Variants in TANGO6 observed in about 807,000 individuals in gnomAD.
TANGO6 encodes transport and golgi organization 6 homolog, also known as transport and Golgi organization protein 6 homolog.
TANGO6 carries 90 observed loss-of-function variants against 114.2 expected under a neutral mutation model. The observed-to-expected ratio is 0.79, with a 90% confidence interval of 0.66 to 0.94. The LOEUF is 0.94. Ranked by LOEUF, TANGO6 falls within the 40% of genes least tolerant of loss-of-function variation. The pLI, the probability that TANGO6 is intolerant of heterozygous loss-of-function variation, is 0.00. For synonymous variants in TANGO6, 477 were observed against 509.8 expected (o/e 0.94, Z 0.87); for missense variants, 1,274 against 1,315.3 (o/e 0.97, Z 0.49).
At chr16:69,026,445 A>G (rs1959503940) in intron 16 of TANGO6, 1 of 182,892 alleles carries the variant, frequency 5.5e-6, no homozygotes, top group Admixed American at 5.2e-5. Flanking sequence ...TAACATCCAG[A>G]AGGAAGGGCT....
chr16:69,074,174 G>A (rs577332009), intron 17 of TANGO6, among the ~76,000 whole-genome samples: 9 of 152,206 alleles, frequency 5.9e-5, no homozygotes, highest in South Asian at 4.1e-4. Context: ...CAGGCTGACC[G>A]TATAATATGT....
Position 68,963,831 on chromosome 16 carries a change from A to G in TANGO6, c.2702-10197A>G, listed in dbSNP as rs549196306. 1.8e-4 allele frequency among the ~76,000 whole-genome samples: 27 copies of G among 152,318 alleles called. 1 individual carries two copies. The East Asian group carries it at 2.7e-3, about 15-fold the overall frequency. ...AAGATCCAGCAACTCTATCATGCAC[A>G]TATCATAATTTTGCTCTAGTTTTGT... On this transcript the variant is annotated intron_variant, in intron 14 of 17. Transcript: ENST00000261778.
intron 17 of TANGO6, among the ~76,000 whole-genome samples, chr16:69,062,096 G>A (rs1960127044): frequency 6.6e-6 from 1 of 152,164 alleles, no homozygotes; most frequent in Non-Finnish European, 1.5e-5. Flanking sequence ...ACATACATAT[G>A]TTTAAGAACA....
chr16:69,019,389 G>A (rs1959362956), intron 15 of TANGO6, among the ~76,000 whole-genome samples: 1 of 152,188 alleles, frequency 6.6e-6, no homozygotes, highest in Non-Finnish European at 1.5e-5. Context: ...ACAGGACAGA[G>A]GTGAGTCTTA....
rs1302207526 is a variant in TANGO6, at chr16:69,083,676, A to T, written c.*15A>T. 4 of 1,551,032 alleles carry T rather than the reference A, an allele frequency of 2.6e-6. No homozygotes were observed. The highest frequency in any genetic ancestry group is 3.5e-6 in the Non-Finnish European group (4 of 1,146,370). On this transcript the variant is annotated 3_prime_UTR_variant, in exon 18 of 18. Coordinates refer to ENST00000261778, the MANE Select transcript of TANGO6 (RefSeq NM_024562.2). Reference sequence around the variant, plus strand: ...TCCTGCCGTAGACCTGGCTCCAAGGACGTGGAGGAGGCAGGCAGGGCCAGG... The same window carrying T: ...TCCTGCCGTAGACCTGGCTCCAAGGTCGTGGAGGAGGCAGGCAGGGCCAGG...
In TANGO6 at chr16:68,875,206, G is replaced by T; in HGVS notation, c.1047G>T (p.Lys349Asn). ...AGGTGACGGCTGCTGACTGGAAGAA[G>T]TGTGACCTGATCGCAAAGATTTTGG... ...DAEVTAADWKKCDLIAKILAS... is the reference protein window; with the variant it reads ...DAEVTAADWKNCDLIAKILAS... The change falls in exon 5 of 18, where the codon AAG (lysine) becomes AAT (asparagine). Residue 349 changes from lysine (K) to asparagine (N), a missense_variant. Transcript: ENST00000261778. The T allele has an allele frequency of 1.2e-6, 2 of 1,613,806 alleles. No homozygotes were observed. The highest frequency in any genetic ancestry group is 2.2e-5 in the East Asian group (1 of 44,882).
At chr16:68,992,863 G>A (rs1045546699) in intron 15 of TANGO6, among the ~76,000 whole-genome samples, 1 of 152,172 alleles carries the variant, frequency 6.6e-6, no homozygotes, top group Non-Finnish European at 1.5e-5. Flanking sequence ...GAGGTCAGGA[G>A]TTCAAGACCA....
intron 11 of TANGO6, among the ~76,000 whole-genome samples, chr16:68,917,301 C>T: frequency 6.6e-6 from 1 of 152,102 alleles, no homozygotes; most frequent in Admixed American, 6.6e-5. Context: ...GATGCATTCA[C>T]CTACTGAAGG....
At chr16:69,078,558 C>T (rs938781377) in intron 17 of TANGO6, among the ~76,000 whole-genome samples, 1 of 152,096 alleles carries the variant, frequency 6.6e-6, no homozygotes, top group African/African-American at 2.4e-5. Flanking sequence ...TCTCTCTGCT[C>T]CCTGTGACCT....
At chr16:68,882,190 A>G (rs1312089905) in intron 7 of TANGO6, among the ~76,000 whole-genome samples, 1 of 151,960 alleles carries the variant, frequency 6.6e-6, no homozygotes, top group Admixed American at 6.6e-5. Context: ...TATATACCCA[A>G]GAGAAATGAA....
At chr16:68,971,657 G>A (rs1178272399) in intron 14 of TANGO6, among the ~76,000 whole-genome samples, 2 of 151,806 alleles carry the variant, frequency 1.3e-5, no homozygotes, top group East Asian at 1.9e-4. Context: ...TTGAGACAGA[G>A]TTTCACTATT....
chr16:68,895,441 A>G (rs1962691558), intron 7 of TANGO6, among the ~76,000 whole-genome samples: 1 of 152,204 alleles, frequency 6.6e-6, no homozygotes, highest in Non-Finnish European at 1.5e-5. Context: ...ATTCACCAAA[A>G]ATTCAGGTAA....
chr16:69,000,001 AATTGTCTGTGG>A (rs1392546481), intron 15 of TANGO6, among the ~76,000 whole-genome samples: 14 of 152,236 alleles, frequency 9.2e-5, no homozygotes, highest in South Asian at 6.2e-4. Flanking sequence ...AAAACAAGAC[AATTGTCTGTGG>A]ATGACAAAAA....
chr16:69,024,710 A>G (rs9934572), intron 16 of TANGO6, among the ~76,000 whole-genome samples: 25,321 of 152,230 alleles, frequency 0.17, 2,211 homozygotes, highest in Non-Finnish European at 0.19. Context: ...ACATGTGGCC[A>G]GGAGTCTTTA....
At position 68,860,419 on chromosome 16, in the gene TANGO6, T is replaced by C. The variant is rs758567844; in HGVS notation, c.630T>C (p.Ser210=). The C allele has an allele frequency of 1.2e-6, 2 of 1,613,882 alleles. No individual in the cohort carries two copies. Among genetic ancestry groups the C allele is most frequent in the Admixed American group, 3.3e-5 (2 of 59,988 alleles). Residue 210 remains serine (S), a synonymous_variant, in exon 2 of 18, where the codon TCT becomes TCC. Transcript: ENST00000261778. ...KALLNVAQHT[S]LGSLIFCHHF... ...TTCTGAATGTTGCTCAGCACACATC[T>C]CTGGGGAGCTTGATCTTCTGCCACC...
intron 8 of TANGO6, among the ~76,000 whole-genome samples, chr16:68,901,143 G>A (rs961635220): frequency 1.3e-5 from 2 of 152,112 alleles, no homozygotes; most frequent in East Asian, 1.9e-4. Context: ...ATAGAATTAC[G>A]ATTTTTGGTG....
intron 1 of TANGO6, 57 bp from the exon 2 acceptor site, chr16:68,859,827 G>A (rs1184901168): frequency 4.0e-6 from 6 of 1,490,398 alleles, no homozygotes; most frequent in Non-Finnish European, 5.4e-6. Context: ...ATTCCACAGG[G>A]GGAAGTGCAG....
chr16:68,933,123 T>C (rs1427851393), intron 14 of TANGO6, among the ~76,000 whole-genome samples: 1 of 152,092 alleles, frequency 6.6e-6, no homozygotes, highest in African/African-American at 2.4e-5. Context: ...TGTCAGTTAT[T>C]GATATTTAAC....
intron 17 of TANGO6, 111 bp from the exon 18 acceptor site, chr16:69,083,374 A>G: frequency 1.5e-6 from 2 of 1,307,890 alleles, no homozygotes; most frequent in South Asian, 1.6e-5. Flanking sequence ...ATCTTCAGGA[A>G]GTCTGTGGAT....
Sources: gnomAD v4.1 joint callset for allele counts (sites outside exome capture counted in the v4.1 genomes callset) on GRCh38, gnomAD v4.1.1 for gene constraint, MANE v1.5 for transcripts, NCBI Gene and HGNC (gene_info 2026-07-23, HGNC 2026-07-21) for gene names.